The following BEND5 variants were observed in gnomAD, a reference collection of about 807,000 sequenced individuals.
BEND5 encodes the protein BEN domain containing 5, also known as BEN domain-containing protein 5.
BEND5 carries 22 observed loss-of-function variants against 43.9 expected under a neutral mutation model. The observed-to-expected ratio is 0.50, with a 90% CI of 0.36 to 0.72. The LOEUF (loss-of-function observed/expected upper bound fraction) is 0.72, where lower values mean the gene tolerates loss of function less well. Among genes scored for constraint, BEND5 ranks in the 30% least tolerant of loss-of-function variants. The pLI, the probability that BEND5 is intolerant of heterozygous loss-of-function variation, is 0.00. For missense variants in BEND5, 428 were observed against 550.6 expected (o/e 0.78, Z 2.23); for synonymous variants, 228 against 225.9 (o/e 1.01, Z -0.08).
intron 1 of BEND5, among the ~76,000 whole-genome samples, chr1:48,768,273 G>T (rs1644631305): frequency 1.3e-5 from 2 of 152,208 alleles, no homozygotes; most frequent in African/African-American, 4.8e-5. Flanking sequence ...TTCCCAAGTT[G>T]AAGTAAACAC....
intron 1 of BEND5, among the ~76,000 whole-genome samples, chr1:48,764,338 A>G (rs2148670380): frequency 6.6e-6 from 1 of 152,342 alleles, no homozygotes; most frequent in Non-Finnish European, 1.5e-5. Context: ...ACGTTGCAGA[A>G]CTGTGAAGAT....
chr1:48,732,009 C>T (rs1648217270), intron 5 of BEND5, among the ~76,000 whole-genome samples: 1 of 151,990 alleles, frequency 6.6e-6, no homozygotes, highest in Non-Finnish European at 1.5e-5. Flanking sequence ...TGGAGAGATG[C>T]AGATGGTTCT....
Position 48,776,595 on chromosome 1 carries a change from C to T in BEND5, c.226+11G>A. The T allele has an allele frequency of 7.0e-7, 1 of 1,424,878 alleles. No homozygotes were observed. Among genetic ancestry groups the T allele is most frequent in the Admixed American group, 3.4e-5 (1 of 29,606 alleles). 88.3% of individuals were successfully genotyped at this position (1,424,878 alleles called of 1,614,324 possible). A position where few individuals can be genotyped will look rare whatever the true frequency, so the allele number is the denominator to read the frequency against. Reference sequence around the variant, plus strand: ...CCGGGTCCCACCGTCCCTCCCCGCCCGCTTGCTCACCTGCCAGCGCCAGGA... The same window carrying T: ...CCGGGTCCCACCGTCCCTCCCCGCCTGCTTGCTCACCTGCCAGCGCCAGGA... On this transcript the variant is annotated intron_variant, in intron 1 of 5. Transcript: ENST00000371833.
intron 2 of BEND5, 165 bp downstream of exon 2, chr1:48,761,172 C>A: frequency 1.3e-6 from 1 of 761,952 alleles, no homozygotes; most frequent in Non-Finnish European, 2.0e-6. Flanking sequence ...GCCAGCAAGG[C>A]AAATACACAC....
intron 1 of BEND5, among the ~76,000 whole-genome samples, chr1:48,775,587 AGAT>A (rs760647186): frequency 1.3e-5 from 2 of 152,170 alleles, no homozygotes; most frequent in Non-Finnish European, 2.9e-5. Flanking sequence ...CCCAAAACGG[AGAT>A]GATACTTCCC....
At chr1:48,734,924 C>T (rs539446246) in intron 5 of BEND5, among the ~76,000 whole-genome samples, 2 of 152,304 alleles carry the variant, frequency 1.3e-5, no homozygotes, top group South Asian at 4.1e-4. Context: ...GACCTGGACA[C>T]TAGTCAGTGG....
chr1:48,755,535 A>G (rs1455400353), intron 3 of BEND5, among the ~76,000 whole-genome samples: 5 of 152,214 alleles, frequency 3.3e-5, no homozygotes, highest in Non-Finnish European at 7.3e-5. Flanking sequence ...AGAACGGCAA[A>G]GCCTGGGCCC....
At chr1:48,749,458 A>G (rs931712211) in intron 3 of BEND5, among the ~76,000 whole-genome samples, 2 of 152,222 alleles carry the variant, frequency 1.3e-5, no homozygotes, top group African/African-American at 4.8e-5. Flanking sequence ...AAAGACTCAG[A>G]GTAGTAAAGT....
intron 5 of BEND5, among the ~76,000 whole-genome samples, chr1:48,735,786 G>A (rs1177268223): frequency 2.6e-5 from 4 of 151,184 alleles, no homozygotes; most frequent in Non-Finnish European, 5.9e-5. Context: ...TTCCTGCTCT[G>A]GGTACACAGC....
chr1:48,737,686 A>G (rs985177832), intron 4 of BEND5, among the ~76,000 whole-genome samples: 1 of 152,246 alleles, frequency 6.6e-6, no homozygotes, highest in African/African-American at 2.4e-5. Context: ...GCAATAAGCT[A>G]TAAGATTTTA....
chr1:48,766,338 T>C (rs186976634), intron 1 of BEND5, among the ~76,000 whole-genome samples: 1 of 152,318 alleles, frequency 6.6e-6, no homozygotes, highest in East Asian at 1.9e-4. Context: ...AGCCTATGCT[T>C]TAAACACATT....
At chr1:48,768,844 C>A (rs749281176) in intron 1 of BEND5, among the ~76,000 whole-genome samples, 1 of 152,158 alleles carries the variant, frequency 6.6e-6, no homozygotes, top group Non-Finnish European at 1.5e-5. Flanking sequence ...GCATTAAAAA[C>A]AGATATGCCA....
At chr1:48,735,963 C>A (rs1648975444) in intron 5 of BEND5, among the ~76,000 whole-genome samples, 1 of 152,162 alleles carries the variant, frequency 6.6e-6, no homozygotes, top group African/African-American at 2.4e-5. Flanking sequence ...CTAAGGGTAT[C>A]CTCCCCTCCT....
At chr1:48,764,187 C>T (rs180974938) in intron 1 of BEND5, among the ~76,000 whole-genome samples, 44 of 152,270 alleles carry the variant, frequency 2.9e-4, no homozygotes, top group African/African-American at 9.9e-4. Context: ...AGATCACTTC[C>T]GTCAGTGTAA....
intron 3 of BEND5, among the ~76,000 whole-genome samples, chr1:48,751,750 C>T (rs1161939937): frequency 6.6e-6 from 1 of 152,180 alleles, no homozygotes; most frequent in East Asian, 1.9e-4. Flanking sequence ...TAACAACTTC[C>T]TCTGGATGTT....
intron 5 of BEND5, among the ~76,000 whole-genome samples, chr1:48,732,571 G>C (rs1648316398): frequency 6.6e-6 from 1 of 151,776 alleles, no homozygotes; most frequent in Non-Finnish European, 1.5e-5. Flanking sequence ...GAGTGGCTGG[G>C]GAGGCCTCTC....
chr1:48,759,111 C>T lies in BEND5; in HGVS notation c.534G>A (p.Val178=). 1 of 1,611,696 alleles carries T rather than the reference C, an allele frequency of 6.2e-7. No individual in the cohort carries two copies. The highest frequency in any genetic ancestry group is 8.5e-7 in the Non-Finnish European group (1 of 1,178,682). ...EDMDSLEDAV[V]PRALYEELLR... ...GCAGCTCCTCATACAGAGCCCGGGG[C>T]ACCACAGCATCTTCTAGACTGTCCA... Residue 178 remains valine, a synonymous_variant, in exon 3 of 6, where the codon GTG becomes GTA. Coordinates refer to ENST00000371833, the MANE Select transcript of BEND5 (RefSeq NM_024603.4).
intron 4 of BEND5, among the ~76,000 whole-genome samples, chr1:48,742,022 AT>A (rs1471922841): frequency 6.6e-6 from 1 of 152,182 alleles, no homozygotes; most frequent in Non-Finnish European, 1.5e-5. Flanking sequence ...TTTGTTTATG[AT>A]TTGTTTTCAA....
chr1:48,753,118 G>A (rs541304401), intron 3 of BEND5, among the ~76,000 whole-genome samples: 2 of 152,292 alleles, frequency 1.3e-5, no homozygotes, highest in Admixed American at 6.5e-5. Context: ...AGGAAACTAA[G>A]GCTGAGGAAG....
Sources: gnomAD v4.1 joint callset for allele counts (sites outside exome capture counted in the v4.1 genomes callset) on GRCh38, gnomAD v4.1.1 for gene constraint, MANE v1.5 for transcripts, NCBI Gene and HGNC (gene_info 2026-07-23, HGNC 2026-07-21) for gene names.